NEK11: variants seen among roughly 807,000 people sequenced by gnomAD.
The protein encoded by NEK11 is NIMA related kinase 11.
Under a neutral mutation model 80.7 loss-of-function variants are expected in NEK11, and 72 were observed. The ratio of observed to expected loss-of-function variants is 0.89; its 90% CI spans 0.74 to 1.08. The LOEUF (loss-of-function observed/expected upper bound fraction) is 1.08. NEK11 is among the 50% of genes least tolerant of loss of function. NEK11 has a pLI of 0.00. For missense variants in NEK11, 764 were observed against 763.6 expected, an observed-to-expected ratio of 1.00 and a Z score of -0.01; for synonymous variants, 251 against 260.7, an observed-to-expected ratio of 0.96 and a Z score of 0.36.
chr3:131,057,932 G>A (rs1024517272), intron 3 of NEK11, among the ~76,000 whole-genome samples: 2 of 152,068 alleles, frequency 1.3e-5, no homozygotes, highest in Non-Finnish European at 2.9e-5. Context: ...GTTGCCATTG[G>A]TTTTGGTGTT....
At chr3:131,056,470 C>T (rs923790435) in intron 3 of NEK11, among the ~76,000 whole-genome samples, 1 of 152,152 alleles carries the variant, frequency 6.6e-6, no homozygotes, top group African/African-American at 2.4e-5. Flanking sequence ...AAATCATCCA[C>T]TTGGGGCCGA....
chr3:131,305,339 G>A (rs1176533089), intron 17 of NEK11, among the ~76,000 whole-genome samples: 2 of 152,100 alleles, frequency 1.3e-5, no homozygotes, highest in Admixed American at 1.3e-4. Flanking sequence ...GCTGGTGAAA[G>A]AGCTATGATG....
At chr3:131,207,683 T>C (rs929635274) in intron 14 of NEK11, among the ~76,000 whole-genome samples, 1 of 152,220 alleles carries the variant, frequency 6.6e-6, no homozygotes, top group Non-Finnish European at 1.5e-5. Flanking sequence ...TGGTATTTCA[T>C]TGTGGTTTTG....
At chr3:131,240,977 T>C (rs1307681018) in intron 15 of NEK11, among the ~76,000 whole-genome samples, 1 of 152,176 alleles carries the variant, frequency 6.6e-6, no homozygotes, top group South Asian at 2.1e-4. Flanking sequence ...ACTCCTCTGA[T>C]ATGAGGTCAT....
At chr3:131,273,810 GTAT>G (rs1309157944) in intron 17 of NEK11, among the ~76,000 whole-genome samples, 2 of 152,148 alleles carry the variant, frequency 1.3e-5, no homozygotes, top group Non-Finnish European at 2.9e-5. Flanking sequence ...TGCACTTATA[GTAT>G]TCTTGCAGCA....
chr3:131,079,830 C>A (rs2074949651), intron 3 of NEK11, among the ~76,000 whole-genome samples: 1 of 151,948 alleles, frequency 6.6e-6, no homozygotes, highest in South Asian at 2.1e-4. Context: ...AAATATTGCT[C>A]CTATTGATAT....
intron 3 of NEK11, among the ~76,000 whole-genome samples, chr3:131,050,921 T>G (rs1252079196): frequency 6.6e-6 from 1 of 152,234 alleles, no homozygotes; most frequent in African/African-American, 2.4e-5. Flanking sequence ...TCCCAGCTAC[T>G]CGGAAGGCTG....
At chr3:131,062,716 T>G (rs2148826129) in intron 3 of NEK11, among the ~76,000 whole-genome samples, 1 of 152,338 alleles carries the variant, frequency 6.6e-6, no homozygotes, top group East Asian at 1.9e-4. Flanking sequence ...GCATTGTGTT[T>G]TAGAGATTTA....
intron 14 of NEK11, among the ~76,000 whole-genome samples, chr3:131,210,670 A>G (rs188107982): frequency 3.0e-4 from 46 of 152,268 alleles, no homozygotes; most frequent in Admixed American, 1.3e-3. Flanking sequence ...TATTGGGTGT[A>G]TATATATTTA....
intron 16 of NEK11, among the ~76,000 whole-genome samples, chr3:131,272,463 C>CTTTTTTTTTTTTTTTGTTTTTTTT (rs2096211728): frequency 2.3e-5 from 1 of 43,884 alleles, no homozygotes; most frequent in Non-Finnish European, 4.1e-5. Context: ...GTTTTAGCTT[C>CTTTTTTTTTTTTTTTGTTTTTTTT]TTTTTTTTTT....
intron 17 of NEK11, among the ~76,000 whole-genome samples, chr3:131,311,202 G>A (rs867321248): frequency 2.7e-4 from 41 of 152,272 alleles, no homozygotes; most frequent in Non-Finnish European, 4.0e-4. Context: ...TGTGTAATAA[G>A]TCAGGGTATT....
At chr3:131,154,850 C>CT in intron 9 of NEK11, 186 bp from the exon 10 acceptor site, 1 of 548,210 alleles carries the variant, frequency 1.8e-6, no homozygotes, top group South Asian at 2.6e-5. Context: ...GAGCCTGACC[C>CT]TGCAAGATCT....
intron 5 of NEK11, among the ~76,000 whole-genome samples, chr3:131,121,219 GCTGCAGGT>G (rs1473604615): frequency 6.6e-6 from 1 of 152,210 alleles, no homozygotes; most frequent in Non-Finnish European, 1.5e-5. Flanking sequence ...AGGACCCTCA[GCTGCAGGT>G]CTGCTGGAGT....
intron 10 of NEK11, 44 bp from the exon 11 acceptor site, chr3:131,162,364 A>ATGTT: frequency 6.3e-7 from 1 of 1,585,964 alleles, no homozygotes; most frequent in African/African-American, 1.4e-5. Context: ...TTTTCTGAAC[A>ATGTT]TGTTTGGGAT....
At chr3:131,075,298 A>G (rs944377865) in intron 3 of NEK11, among the ~76,000 whole-genome samples, 2 of 152,202 alleles carry the variant, frequency 1.3e-5, no homozygotes, top group African/African-American at 4.8e-5. Flanking sequence ...CTTTAATGTG[A>G]CACAGACATA....
intron 5 of NEK11, among the ~76,000 whole-genome samples, chr3:131,114,396 G>A (rs1398285841): frequency 6.6e-6 from 1 of 152,176 alleles, no homozygotes; most frequent in East Asian, 1.9e-4. Flanking sequence ...AAACTCCAGT[G>A]TCGTGGCTTA....
intron 4 of NEK11, among the ~76,000 whole-genome samples, chr3:131,082,535 C>T (rs1158679083): frequency 1.3e-5 from 2 of 152,158 alleles, no homozygotes; most frequent in Non-Finnish European, 2.9e-5. Context: ...ATATACATGG[C>T]TCTTTAGCAC....
intron 16 of NEK11, among the ~76,000 whole-genome samples, chr3:131,254,647 T>G (rs1182806445): frequency 6.6e-6 from 1 of 152,160 alleles, no homozygotes; most frequent in East Asian, 1.9e-4. Flanking sequence ...ACATCCAGTT[T>G]GGATGTACAA....
intron 17 of NEK11, among the ~76,000 whole-genome samples, chr3:131,323,244 A>G (rs540952912): frequency 6.6e-6 from 1 of 152,354 alleles, no homozygotes; most frequent in African/African-American, 2.4e-5. Context: ...TTTCTAGGCA[A>G]AAAGCTTTAG....
Sources: allele counts gnomAD v4.1 joint callset (sites outside exome capture counted in the v4.1 genomes callset), GRCh38; gene constraint gnomAD v4.1.1; transcripts MANE v1.5; gene names NCBI Gene and HGNC (gene_info 2026-07-23, HGNC 2026-07-21).